HORMAD1: variants seen among roughly 807,000 people sequenced by gnomAD.
HORMAD1 encodes HORMA domain-containing protein 1.
Under a neutral mutation model 58.2 loss-of-function variants are expected in HORMAD1, and 33 were observed. The ratio of observed to expected loss-of-function variants is 0.57; its 90% CI spans 0.43 to 0.76. The LOEUF is 0.76. HORMAD1 is among the 30% of genes least tolerant of loss of function. HORMAD1 has a pLI of 0.00. For missense variants in HORMAD1, 363 were observed against 462.0 expected (o/e 0.79, Z 1.96); for synonymous variants, 137 against 144.6 (o/e 0.95, Z 0.38).
Position 150,704,288 on chromosome 1 carries a change from G to A in HORMAD1, c.860C>T (p.Ser287Phe). ...MEEQEKNPASSELEEPSLVCE... is the reference protein window; with the variant it reads ...MEEQEKNPASFELEEPSLVCE... Reference sequence around the variant, plus strand: ...CATTAACTTCTTACCTTCAAGTTCAGAAGATGCAGGGTTTTTTTCCTGTTC... The same window carrying A: ...CATTAACTTCTTACCTTCAAGTTCAAAAGATGCAGGGTTTTTTTCCTGTTC... The change falls in exon 11 of 15, where the codon TCT becomes TTT. Residue 287 changes from serine to phenylalanine, a missense_variant. Around this residue, in one of 3 missense-constraint regions of HORMAD1, gnomAD observed 226 missense variants for 257.8 expected, o/e 0.88. Coordinates refer to ENST00000361824, the MANE Select transcript of HORMAD1 (RefSeq NM_032132.5). 6.3e-7 allele frequency: 1 copy of A among 1,595,802 alleles called. No individual in the cohort carries two copies. Among genetic ancestry groups the A allele is most frequent in the Non-Finnish European group, 8.5e-7 (1 of 1,172,582 alleles).
At chr1:150,716,096 C>T (rs1329378069) in intron 3 of HORMAD1, among the ~76,000 whole-genome samples, 1 of 139,892 alleles carries the variant, frequency 7.1e-6, no homozygotes, top group African/African-American at 2.7e-5. Context: ...ATCCATGCTA[C>T]AATACGGAGG....
Position 150,714,547 on chromosome 1 carries a change from T to A in HORMAD1, c.242+68A>T, listed in dbSNP as rs1235958236. The A allele has an allele frequency of 3.2e-5, 25 of 775,524 alleles. No homozygotes were observed. In the South Asian group the frequency reaches 5.7e-4, roughly 18 times the overall value. The allele number at this position is 775,524 out of a possible 1,614,324, so 48.0% of individuals were successfully genotyped here. The stretch of plus-strand genomic sequence containing the variant: ...AAAATTTGGTTAAACACCAAAGGTA[T>A]CCAAGGTACAAAAAAAAGTAAAATG... On this transcript the variant is annotated intron_variant, in intron 4 of 14. Transcript: ENST00000361824.
At chr1:150,712,838 C>T (rs996725264) in intron 5 of HORMAD1, among the ~76,000 whole-genome samples, 2 of 152,296 alleles carry the variant, frequency 1.3e-5, no homozygotes, top group African/African-American at 2.4e-5. Context: ...TGAGCCACCA[C>T]GCCTGGCCTA....
intron 14 of HORMAD1, 127 bp from the exon 15 acceptor site, chr1:150,698,861 A>G: frequency 1.8e-6 from 1 of 555,700 alleles, no homozygotes; most frequent in African/African-American, 1.9e-5. Context: ...TACCTAGCAT[A>G]ACTATATCTG....
At chr1:150,711,604 A>G (rs763839561) in intron 6 of HORMAD1, 33 bp from the exon 7 acceptor site, 14 of 1,505,436 alleles carry the variant, frequency 9.3e-6, no homozygotes, top group Non-Finnish European at 1.3e-5. Flanking sequence ...TGAGTTATCT[A>G]AGGCTAAGTA....
intron 2 of HORMAD1, 83 bp from the exon 3 acceptor site, chr1:150,717,365 GT>G (rs943007313): frequency 1.1e-4 from 92 of 862,722 alleles, no homozygotes; most frequent in Non-Finnish European, 1.4e-4. Context: ...ATCCAATTTT[GT>G]ATAATCATAG....
chr1:150,704,043 A>C (rs1057217736), intron 12 of HORMAD1, 75 bp downstream of exon 12: 2 of 944,032 alleles, frequency 2.1e-6, no homozygotes, highest in African/African-American at 3.5e-5. Flanking sequence ...AGAAAATCTG[A>C]AAAATAAAAA....
At chr1:150,701,588 G>A (rs2101841464) in intron 13 of HORMAD1, among the ~76,000 whole-genome samples, 1 of 152,242 alleles carries the variant, frequency 6.6e-6, no homozygotes, top group East Asian at 1.9e-4. Context: ...AAATGTTCTA[G>A]CACACCACTA....
At chr1:150,717,450 G>A in intron 2 of HORMAD1, 168 bp from the exon 3 acceptor site, 1 of 408,698 alleles carries the variant, frequency 2.4e-6, no homozygotes, top group Non-Finnish European at 4.4e-6. Context: ...AAAATGTGAG[G>A]GTATTTCTAG....
intron 7 of HORMAD1, among the ~76,000 whole-genome samples, chr1:150,710,853 G>A (rs1450657020): frequency 6.6e-6 from 1 of 152,138 alleles, no homozygotes; most frequent in African/African-American, 2.4e-5. Context: ...TAGCGTAATG[G>A]GTAAACACCC....
chr1:150,715,906 T>C (rs1455338454), intron 3 of HORMAD1, among the ~76,000 whole-genome samples: 3 of 151,638 alleles, frequency 2.0e-5, no homozygotes, highest in Non-Finnish European at 4.4e-5. Flanking sequence ...TATATATATG[T>C]ATATATTTTA....
chr1:150,700,600 C>T (rs587670324), intron 13 of HORMAD1, among the ~76,000 whole-genome samples: 4 of 152,288 alleles, frequency 2.6e-5, no homozygotes, highest in Admixed American at 6.5e-5. Flanking sequence ...CATCACCCCA[C>T]AAACAAACCC....
intron 3 of HORMAD1, among the ~76,000 whole-genome samples, chr1:150,716,468 A>G (rs1652081362): frequency 6.6e-6 from 1 of 151,182 alleles, no homozygotes. Context: ...CCAGGACCAC[A>G]TTTTATATTA....
chr1:150,699,225 ATAAT>A (rs1337412853), intron 14 of HORMAD1, among the ~76,000 whole-genome samples: 6 of 152,228 alleles, frequency 3.9e-5, no homozygotes, highest in Non-Finnish European at 5.9e-5. Context: ...AAAAATATGA[ATAAT>A]TATCTCAGAA....
intron 7 of HORMAD1, among the ~76,000 whole-genome samples, chr1:150,709,180 T>C (rs1281151534): frequency 1.3e-5 from 2 of 152,220 alleles, no homozygotes; most frequent in Non-Finnish European, 2.9e-5. Context: ...CTCATTGTAA[T>C]GTATGTTATT....
In HORMAD1 at chr1:150,703,161, C is replaced by G. The variant is rs1651585349; in HGVS notation, c.1032+149G>C. On this transcript the variant is annotated intron_variant, in intron 13 of 14. Coordinates refer to ENST00000361824, the MANE Select transcript of HORMAD1 (RefSeq NM_032132.5). ...CTAAGACCATGAAGTATGTGTTATT[C>G]AGGTTATATCCTAAGCACCTAGTAA... 2.2e-5 allele frequency: 12 copies of G among 544,264 alleles called. No homozygotes were observed. The East Asian group carries it at 4.0e-4, about 18-fold the overall frequency. The allele number at this position is 544,264 out of a possible 1,614,324, so 33.7% of individuals were successfully genotyped here. A position where few individuals can be genotyped will look rare whatever the true frequency, so the allele number is the denominator to read the frequency against.
intron 3 of HORMAD1, among the ~76,000 whole-genome samples, chr1:150,715,889 GAATA>G (rs1652054090): frequency 8.3e-6 from 1 of 120,672 alleles, no homozygotes; most frequent in Middle Eastern, 4.3e-3. Context: ...TAAAGGTATT[GAATA>G]TATATATATA....
At chr1:150,702,140 A>C (rs1651554685) in intron 13 of HORMAD1, among the ~76,000 whole-genome samples, 3 of 152,236 alleles carry the variant, frequency 2.0e-5, no homozygotes. Context: ...TCTCAAAAGA[A>C]GACATTCATG....
In HORMAD1 at chr1:150,720,847, G is replaced by A. The variant is rs186345156; in HGVS notation, c.-77C>T. The A allele has an allele frequency of 1.3e-5, 2 of 152,368 alleles. No homozygotes were observed. The highest frequency in any genetic ancestry group is 1.9e-4 in the East Asian group (1 of 5,182). The allele number at this position is 152,368 out of a possible 1,614,324, so 9.4% of individuals were successfully genotyped here. On this transcript the variant is annotated 5_prime_UTR_variant, in exon 1 of 15. Coordinates refer to ENST00000361824, the MANE Select transcript of HORMAD1 (RefSeq NM_032132.5). ...GCGCCGGAGACCAGAAGAGCTGCACGAGGCTGCACGCGCTGTGCCCGACGC... is the reference window on the plus strand; with the variant it reads ...GCGCCGGAGACCAGAAGAGCTGCACAAGGCTGCACGCGCTGTGCCCGACGC...
Sources: allele counts gnomAD v4.1 joint callset (sites outside exome capture counted in the v4.1 genomes callset), GRCh38; gene constraint gnomAD v4.1.1; regional missense constraint gnomAD v4.1.1; transcripts MANE v1.5; gene names NCBI Gene and HGNC (gene_info 2026-07-23, HGNC 2026-07-21).